The following MFSD1 variants were observed in gnomAD, a reference collection of about 807,000 sequenced individuals.
MFSD1 encodes the protein major facilitator superfamily domain containing 1, also known as lysosomal dipeptide transporter MFSD1.
Under a neutral mutation model 67.1 loss-of-function variants are expected in MFSD1, and 59 were observed. That is an observed-to-expected ratio of 0.88 (90% CI 0.71 to 1.09). MFSD1 has a LOEUF of 1.09. Ranked by LOEUF, MFSD1 falls within the 50% of genes least tolerant of loss-of-function variation. The probability of loss-of-function intolerance (pLI) is 0.00; values close to 1 mark genes in which losing one functional copy is unlikely to be tolerated. For missense variants in MFSD1, 552 were observed against 566.1 expected (o/e 0.97, Z 0.25); for synonymous variants, 213 against 200.3 (o/e 1.06, Z -0.54).
rs1447743227 is a variant in MFSD1, at chr3:158,807,390, T to C, written c.373-6T>C. The stretch of plus-strand genomic sequence containing the variant: ...CATTAATTTGACATGAACTTCTACA[T>C]TATAGGTTGTTTTTGCCCTGGGTGG... On this transcript the variant is annotated splice_region_variant and splice_polypyrimidine_tract_variant and intron_variant, in intron 4 of 15. Transcript: ENST00000415822. 6.2e-6 allele frequency: 10 copies of C among 1,609,662 alleles called. No homozygotes were observed. The Admixed American group carries it at 1.7e-4, about 27-fold the overall frequency.
At chr3:158,820,909 A>G (rs530006677) in intron 9 of MFSD1, among the ~76,000 whole-genome samples, 2 of 152,146 alleles carry the variant, frequency 1.3e-5, no homozygotes, top group East Asian at 1.9e-4. Context: ...CAGCCAAACC[A>G]TGTCAATACC....
chr3:158,819,155 G>A (rs1245100375), intron 7 of MFSD1, among the ~76,000 whole-genome samples: 1 of 152,232 alleles, frequency 6.6e-6, no homozygotes, highest in African/African-American at 2.4e-5. Context: ...GAGCTTGAGA[G>A]TACTGCGCTT....
chr3:158,824,313 C>G, intron 13 of MFSD1, 77 bp downstream of exon 13: 2 of 1,008,510 alleles, frequency 2.0e-6, no homozygotes, highest in Non-Finnish European at 3.0e-6. Context: ...AGGCATAGCT[C>G]CCAGATTTGC....
At chr3:158,817,731 C>T (rs962764120) in intron 7 of MFSD1, among the ~76,000 whole-genome samples, 9 of 152,046 alleles carry the variant, frequency 5.9e-5, no homozygotes, top group Non-Finnish European at 1.0e-4. Context: ...ACTTTCTTCA[C>T]AGAATTGGAA....
chr3:158,829,116 C>G lies in MFSD1; in HGVS notation c.*134C>G. 1.3e-6 allele frequency: 1 copy of G among 744,198 alleles called. No individual in the cohort carries two copies. Among genetic ancestry groups the G allele is most frequent in the Non-Finnish European group, 2.1e-6 (1 of 485,880 alleles). 46.1% of individuals were successfully genotyped at this position (744,198 alleles called of 1,614,324 possible). A position where few individuals can be genotyped will look rare whatever the true frequency, so the allele number is the denominator to read the frequency against. On this transcript the variant is annotated 3_prime_UTR_variant, in exon 16 of 16. Coordinates refer to ENST00000415822, the MANE Select transcript of MFSD1 (RefSeq NM_022736.4). ...AAGTTATATTTATATCCAAATATACCTATTTCAAAGTGTATTTGTGAGGCC... is the reference window on the plus strand; with the variant it reads ...AAGTTATATTTATATCCAAATATACGTATTTCAAAGTGTATTTGTGAGGCC...
intron 7 of MFSD1, among the ~76,000 whole-genome samples, chr3:158,816,133 T>C (rs1419286509): frequency 1.3e-5 from 2 of 152,036 alleles, no homozygotes; most frequent in Non-Finnish European, 2.9e-5. Context: ...TGTGTCTTTA[T>C]AGCAGCATGA....
At chr3:158,827,180 C>A in intron 14 of MFSD1, 100 bp from the exon 15 acceptor site, 1 of 660,544 alleles carries the variant, frequency 1.5e-6, no homozygotes, top group Non-Finnish European at 2.6e-6. Context: ...ACTTAAAATA[C>A]AGTGTATCTA....
intron 3 of MFSD1, among the ~76,000 whole-genome samples, chr3:158,805,818 G>A (rs1185385719): frequency 6.6e-6 from 1 of 152,162 alleles, no homozygotes; most frequent in African/African-American, 2.4e-5. Flanking sequence ...CTGAGCTTCA[G>A]TTCTCTCATT....
At chr3:158,808,493 T>C (rs1231711940) in intron 5 of MFSD1, among the ~76,000 whole-genome samples, 7 of 152,190 alleles carry the variant, frequency 4.6e-5, no homozygotes, top group Non-Finnish European at 1.0e-4. Flanking sequence ...TTGCATATTG[T>C]TCTGAAAAAT....
chr3:158,810,704 C>T (rs1475880466), intron 6 of MFSD1, among the ~76,000 whole-genome samples: 1 of 152,148 alleles, frequency 6.6e-6, no homozygotes, highest in East Asian at 1.9e-4. Context: ...ACGTTTACAT[C>T]CCCACCTGTG....
intron 7 of MFSD1, among the ~76,000 whole-genome samples, chr3:158,818,008 G>C (rs1176998028): frequency 1.3e-5 from 2 of 152,028 alleles, no homozygotes; most frequent in Admixed American, 1.3e-4. Context: ...CTTAGCTATG[G>C]CTCCATGGTG....
At chr3:158,810,831 G>T (rs1729969923) in intron 6 of MFSD1, among the ~76,000 whole-genome samples, 1 of 152,096 alleles carries the variant, frequency 6.6e-6, no homozygotes, top group Non-Finnish European at 1.5e-5. Context: ...GTAATTCTTT[G>T]GTAAATAGTG....
intron 15 of MFSD1, among the ~76,000 whole-genome samples, chr3:158,827,929 A>AGG (rs1731081428): frequency 2.0e-4 from 3 of 14,922 alleles, no homozygotes; most frequent in Non-Finnish European, 3.2e-4. Context: ...AGAGAGAGAG[A>AGG]GAGAGAGAGA....
At chr3:158,813,935 G>T in intron 6 of MFSD1, 30 bp from the exon 7 acceptor site, 1 of 1,476,392 alleles carries the variant, frequency 6.8e-7, no homozygotes, top group South Asian at 1.1e-5. Flanking sequence ...GATTTAAAAT[G>T]CTGTTGTTTT....
intron 1 of MFSD1, among the ~76,000 whole-genome samples, chr3:158,803,079 G>A (rs1261461536): frequency 6.6e-6 from 1 of 152,166 alleles, no homozygotes; most frequent in Non-Finnish European, 1.5e-5. Flanking sequence ...GGGACTTGTG[G>A]TAGTCTTGAC....
chr3:158,802,108 T>A lies in MFSD1; in HGVS notation c.-45T>A. On this transcript the variant is annotated 5_prime_UTR_variant, in exon 1 of 16. Transcript: ENST00000415822. ...CCACGGGCGCTGCTTCCTGCCTGGG[T>A]TTGGAGTTGTCACCACTTTCCCCTC... 6.2e-7 allele frequency: 1 copy of A among 1,604,068 alleles called. No homozygotes were observed. The highest frequency in any genetic ancestry group is 1.1e-5 in the South Asian group (1 of 89,738).
At chr3:158,806,997 TTC>T in intron 3 of MFSD1, 41 bp from the exon 4 acceptor site, 2 of 1,524,586 alleles carry the variant, frequency 1.3e-6, no homozygotes, top group Non-Finnish European at 1.8e-6. Flanking sequence ...GATTTTTTTT[TTC>T]TTTTTCTTTT....
chr3:158,809,037 G>A (rs1729866350), intron 5 of MFSD1, 142 bp from the exon 6 acceptor site: 2 of 552,020 alleles, frequency 3.6e-6, no homozygotes, highest in East Asian at 5.9e-5. Flanking sequence ...GTAGTCACAA[G>A]CCCACCTGGA....
intron 7 of MFSD1, 30 bp from the exon 8 acceptor site, chr3:158,819,619 T>C (rs1330694324): frequency 2.4e-6 from 3 of 1,226,114 alleles, no homozygotes; most frequent in Middle Eastern, 2.0e-4. Flanking sequence ...TTTCAAAGTC[T>C]GTTTTTCTTT....
Sources: allele counts gnomAD v4.1 joint callset (sites outside exome capture counted in the v4.1 genomes callset), GRCh38; gene constraint gnomAD v4.1.1; transcripts MANE v1.5; gene names NCBI Gene and HGNC (gene_info 2026-07-23, HGNC 2026-07-21).